The following CHSY3 variants were observed in gnomAD, a reference collection of about 807,000 sequenced individuals.
The protein encoded by CHSY3 is N-acetylgalactosaminyl-proteoglycan 3-beta-glucuronosyltransferase 3.
A neutral mutation model predicts 67.2 loss-of-function variants in CHSY3; 35 were observed. The observed-to-expected ratio is 0.52, with a 90% CI of 0.40 to 0.69. The LOEUF is 0.69. Among genes scored for constraint, CHSY3 ranks in the 30% least tolerant of loss-of-function variants. The pLI is 0.00. For synonymous variants in CHSY3, 474 were observed against 434.7 expected, an observed-to-expected ratio of 1.09 and a Z score of -1.12; for missense variants, 1,069 against 1,138.5, an observed-to-expected ratio of 0.94 and a Z score of 0.88.
At chr5:129,979,480 T>G (rs574495125) in intron 2 of CHSY3, among the ~76,000 whole-genome samples, 3 of 152,224 alleles carry the variant, frequency 2.0e-5, no homozygotes, top group African/African-American at 7.2e-5. Flanking sequence ...TTAGAACAGT[T>G]TTTTCTTCAC....
At chr5:130,017,716 T>G (rs1764254706) in intron 2 of CHSY3, among the ~76,000 whole-genome samples, 2 of 152,116 alleles carry the variant, frequency 1.3e-5, no homozygotes, top group African/African-American at 2.4e-5. Context: ...TGAAGTAAAA[T>G]TTTTTAAATG....
intron 2 of CHSY3, among the ~76,000 whole-genome samples, chr5:130,096,048 A>C (rs1022270620): frequency 9.2e-5 from 14 of 152,340 alleles, no homozygotes; most frequent in African/African-American, 3.4e-4. Context: ...ATGAATGATA[A>C]GGAAGATTGA....
At chr5:130,020,114 T>C (rs1764323602) in intron 2 of CHSY3, among the ~76,000 whole-genome samples, 1 of 152,198 alleles carries the variant, frequency 6.6e-6, no homozygotes, top group East Asian at 1.9e-4. Flanking sequence ...CTCCTATTTC[T>C]CAGGTTAAAT....
At chr5:130,038,731 TCCTC>T (rs540300971) in intron 2 of CHSY3, among the ~76,000 whole-genome samples, 15 of 152,122 alleles carry the variant, frequency 9.9e-5, no homozygotes, top group Non-Finnish European at 1.9e-4. Flanking sequence ...ACAATTAACT[TCCTC>T]CATGCTGGGT....
chr5:130,047,468 T>C (rs1765188887), intron 2 of CHSY3, among the ~76,000 whole-genome samples: 1 of 152,072 alleles, frequency 6.6e-6, no homozygotes, highest in Non-Finnish European at 1.5e-5. Context: ...TAGGAAAGAA[T>C]TGTCTTCTGA....
chr5:130,146,153 T>C (rs1030600240), intron 2 of CHSY3, among the ~76,000 whole-genome samples: 9 of 152,200 alleles, frequency 5.9e-5, no homozygotes, highest in Non-Finnish European at 1.0e-4. Context: ...TACACTCCCA[T>C]GTTTATTGTA....
At position 129,918,740 on chromosome 5, in the gene CHSY3, A is replaced by G. The variant is rs547880205; in HGVS notation, c.1086+10380A>G. Among the ~76,000 whole-genome samples the G allele has an allele frequency of 3.4e-4, 52 of 151,994 alleles. 1 individual carries two copies. The highest frequency in any genetic ancestry group is 1.2e-3 in the African/African-American group (50 of 41,450). On this transcript the variant is annotated intron_variant, in intron 2 of 2. Coordinates refer to ENST00000305031, the MANE Select transcript of CHSY3 (RefSeq NM_175856.5). ...GCCCAAAAGCTGTAGTTAGAATCCA[A>G]TTGTGAAAGGCTTTTTATGTAATAT...
chr5:130,033,078 A>G (rs1267432067), intron 2 of CHSY3, among the ~76,000 whole-genome samples: 1 of 152,158 alleles, frequency 6.6e-6, no homozygotes, highest in Non-Finnish European at 1.5e-5. Flanking sequence ...GAGGCTGCCA[A>G]CTAACCCACA....
chr5:129,916,429 A>G (rs1001042136), intron 2 of CHSY3, among the ~76,000 whole-genome samples: 31 of 152,312 alleles, frequency 2.0e-4, no homozygotes, highest in Admixed American at 3.9e-4. Context: ...GTGGTCACCT[A>G]GCTACTGAGA....
intron 2 of CHSY3, among the ~76,000 whole-genome samples, chr5:130,159,161 C>CTTTT (rs33919002): frequency 0.038 from 3,750 of 98,594 alleles, 227 homozygotes; most frequent in Non-Finnish European, 0.05. Context: ...TAAGATTTGT[C>CTTTT]TTTTTTTTTT....
intron 2 of CHSY3, among the ~76,000 whole-genome samples, chr5:130,178,907 A>T (rs1308582362): frequency 6.6e-6 from 1 of 152,190 alleles, no homozygotes; most frequent in African/African-American, 2.4e-5. Context: ...TGGAGGTTCC[A>T]GTAAGGGTTT....
At chr5:129,965,645 A>G (rs993200083) in intron 2 of CHSY3, among the ~76,000 whole-genome samples, 1 of 151,948 alleles carries the variant, frequency 6.6e-6, no homozygotes, top group African/African-American at 2.4e-5. Context: ...GGTTTCAGAA[A>G]GGAACCTGGA....
At chr5:129,982,584 AG>A (rs1300382338) in intron 2 of CHSY3, among the ~76,000 whole-genome samples, 3 of 152,044 alleles carry the variant, frequency 2.0e-5, no homozygotes, top group Non-Finnish European at 4.4e-5. Flanking sequence ...TAAAGGGTAA[AG>A]AACAGGTACT....
At chr5:130,036,741 G>A (rs796890540) in intron 2 of CHSY3, among the ~76,000 whole-genome samples, 7 of 152,132 alleles carry the variant, frequency 4.6e-5, no homozygotes, top group African/African-American at 1.4e-4. Flanking sequence ...AAATAACTGA[G>A]TAAATGTGGT....
chr5:130,165,600 C>T (rs779266938), intron 2 of CHSY3, among the ~76,000 whole-genome samples: 4 of 151,734 alleles, frequency 2.6e-5, no homozygotes, highest in Non-Finnish European at 5.9e-5. Context: ...CATTCTTTTC[C>T]CATTAGTTTA....
At chr5:129,929,432 T>C (rs190284592) in intron 2 of CHSY3, among the ~76,000 whole-genome samples, 20 of 152,334 alleles carry the variant, frequency 1.3e-4, no homozygotes, top group Non-Finnish European at 2.6e-4. Context: ...TTGTTTTTCT[T>C]TCAGCTATAC....
chr5:130,067,657 C>T (rs1765925751), intron 2 of CHSY3, among the ~76,000 whole-genome samples: 1 of 151,882 alleles, frequency 6.6e-6, no homozygotes, highest in African/African-American at 2.4e-5. Context: ...GCAGTACACT[C>T]AGAATAAAGA....
intron 2 of CHSY3, among the ~76,000 whole-genome samples, chr5:130,154,347 C>G (rs1235530485): frequency 6.6e-6 from 1 of 152,188 alleles, no homozygotes; most frequent in African/African-American, 2.4e-5. Context: ...TGCCCCTGGC[C>G]TCTGGAGTAT....
At chr5:130,020,201 C>T (rs766232729) in intron 2 of CHSY3, among the ~76,000 whole-genome samples, 22 of 151,594 alleles carry the variant, frequency 1.5e-4, no homozygotes, top group Non-Finnish European at 1.9e-4. Flanking sequence ...GTGCATCACT[C>T]GAGGTCAGGA....
Sources: gnomAD v4.1 joint callset for allele counts (sites outside exome capture counted in the v4.1 genomes callset) on GRCh38, gnomAD v4.1.1 for gene constraint, MANE v1.5 for transcripts, NCBI Gene and HGNC (gene_info 2026-07-23, HGNC 2026-07-21) for gene names.